DMGDH: variants seen among roughly 807,000 people sequenced by gnomAD.
DMGDH encodes the protein dimethylglycine dehydrogenase, mitochondrial.
DMGDH carries 76 observed loss-of-function variants against 95.2 expected under a neutral mutation model. The ratio of observed to expected loss-of-function variants is 0.80; its 90% CI spans 0.66 to 0.97. DMGDH has a LOEUF of 0.97. Ranked by LOEUF, DMGDH falls within the 50% of genes least tolerant of loss-of-function variation. DMGDH has a pLI of 0.00. For missense variants in DMGDH, 987 were observed against 1,055.0 expected (o/e 0.94, Z 0.89); for synonymous variants, 345 against 377.6 (o/e 0.91, Z 1.00).
chr5:79,030,328 G>T (rs1408421811), intron 10 of DMGDH, among the ~76,000 whole-genome samples: 3 of 152,174 alleles, frequency 2.0e-5, no homozygotes, highest in Admixed American at 6.5e-5. Flanking sequence ...CCTTGGATGA[G>T]AATTCACTCA....
intron 15 of DMGDH, among the ~76,000 whole-genome samples, chr5:79,005,019 G>A (rs1324710161): frequency 6.6e-6 from 1 of 152,180 alleles, no homozygotes; most frequent in African/African-American, 2.4e-5. Flanking sequence ...TCATTGTCCA[G>A]TGTGTTTCAA....
intron 7 of DMGDH, among the ~76,000 whole-genome samples, chr5:79,041,395 T>C (rs542384832): frequency 6.6e-6 from 1 of 152,314 alleles, no homozygotes; most frequent in African/African-American, 2.4e-5. Flanking sequence ...GATATGATAG[T>C]TGAGTGGGCT....
At chr5:79,041,483 A>T (rs1754504710) in intron 7 of DMGDH, among the ~76,000 whole-genome samples, 1 of 152,226 alleles carries the variant, frequency 6.6e-6, no homozygotes, top group Admixed American at 6.5e-5. Flanking sequence ...CATAAATAGA[A>T]AGCAACCTGA....
chr5:79,024,898 TG>T (rs1334883525), intron 13 of DMGDH, among the ~76,000 whole-genome samples: 1 of 152,264 alleles, frequency 6.6e-6, no homozygotes, highest in Non-Finnish European at 1.5e-5. Context: ...TAATGGTTTT[TG>T]TTTCTTTCTT....
At chr5:79,004,828 T>C (rs1393362666) in intron 15 of DMGDH, among the ~76,000 whole-genome samples, 1 of 152,232 alleles carries the variant, frequency 6.6e-6, no homozygotes, top group Non-Finnish European at 1.5e-5. Flanking sequence ...GGTTTTACCC[T>C]CTATTGTCAT....
chr5:79,058,867 T>C (rs953788687), intron 2 of DMGDH, among the ~76,000 whole-genome samples: 7 of 152,166 alleles, frequency 4.6e-5, no homozygotes, highest in African/African-American at 1.7e-4. Context: ...GCATAACGGA[T>C]GCTAACTAGT....
intron 14 of DMGDH, among the ~76,000 whole-genome samples, chr5:79,009,935 T>A (rs192599162): frequency 6.6e-6 from 1 of 152,204 alleles, no homozygotes; most frequent in African/African-American, 2.4e-5. Context: ...AGAACAGAAG[T>A]ATATTTCTTT....
chr5:79,048,167 C>G (rs187239716), intron 5 of DMGDH, among the ~76,000 whole-genome samples: 1 of 152,046 alleles, frequency 6.6e-6, no homozygotes, highest in Admixed American at 6.5e-5. Flanking sequence ...TTACTGCTTT[C>G]TACCTGGTGA....
rs911582826 is a variant in DMGDH, at chr5:79,039,494, C to G, written c.1193+2789G>C. Among the ~76,000 whole-genome samples, 3 of 151,950 alleles carry G rather than the reference C, an allele frequency of 2.0e-5. No individual in the cohort carries two copies. In the South Asian group the frequency reaches 6.3e-4, roughly 32 times the overall value. On this transcript the variant is annotated intron_variant, in intron 7 of 15. Transcript: ENST00000255189. ...ACACCACATATTCTCACTCGTAGGT[C>G]GGAATTGAACAATGAGAACACATGG... is the stretch of plus-strand genomic sequence containing the variant.
chr5:79,008,305 T>A (rs1753584831), intron 14 of DMGDH, among the ~76,000 whole-genome samples: 1 of 152,158 alleles, frequency 6.6e-6, no homozygotes, highest in African/African-American at 2.4e-5. Flanking sequence ...GTAGGTTTCA[T>A]AAAACTACTG....
intron 3 of DMGDH, among the ~76,000 whole-genome samples, chr5:79,055,457 G>A (rs1294619146): frequency 1.3e-5 from 2 of 152,200 alleles, no homozygotes; most frequent in Non-Finnish European, 2.9e-5. Flanking sequence ...TCAGAGTCAT[G>A]GGACAATCTG....
At chr5:79,050,913 C>T (rs1754834669) in intron 5 of DMGDH, among the ~76,000 whole-genome samples, 2 of 151,966 alleles carry the variant, frequency 1.3e-5, no homozygotes, top group Non-Finnish European at 2.9e-5. Context: ...ATCAAATCTG[C>T]CCTAAAAAGC....
At chr5:79,059,825 C>A (rs1755144358) in intron 2 of DMGDH, among the ~76,000 whole-genome samples, 1 of 152,200 alleles carries the variant, frequency 6.6e-6, no homozygotes, top group South Asian at 2.1e-4. Context: ...AAATCACTGG[C>A]AGCCATTTGC....
intron 2 of DMGDH, 139 bp downstream of exon 2, chr5:79,063,473 TA>T: frequency 1.1e-6 from 1 of 926,404 alleles, no homozygotes; most frequent in South Asian, 1.4e-5. Flanking sequence ...GTACACCAGT[TA>T]AACTACAACT....
intron 14 of DMGDH, among the ~76,000 whole-genome samples, chr5:79,015,797 T>C (rs1023216013): frequency 6.6e-6 from 1 of 152,162 alleles, no homozygotes; most frequent in Non-Finnish European, 1.5e-5. Context: ...TGACATATCA[T>C]CACCAAGTGG....
intron 4 of DMGDH, among the ~76,000 whole-genome samples, chr5:79,053,136 T>A (rs893850294): frequency 6.6e-6 from 1 of 151,484 alleles, no homozygotes; most frequent in South Asian, 2.1e-4. Flanking sequence ...AACATAGATA[T>A]AGATATAAAC....
At chr5:79,040,114 T>C (rs1754465823) in intron 7 of DMGDH, among the ~76,000 whole-genome samples, 2 of 152,222 alleles carry the variant, frequency 1.3e-5, no homozygotes, top group South Asian at 4.1e-4. Flanking sequence ...GTCAGAAGTA[T>C]GGGTGTCTCC....
chr5:79,068,747 A>G (rs139750650), intron 1 of DMGDH, among the ~76,000 whole-genome samples: 1 of 152,360 alleles, frequency 6.6e-6, no homozygotes, highest in Admixed American at 6.5e-5. Flanking sequence ...AAAGATGTTC[A>G]GCATTGCTCA....
At chr5:79,058,076 G>C (rs1322346319) in intron 2 of DMGDH, among the ~76,000 whole-genome samples, 1 of 152,150 alleles carries the variant, frequency 6.6e-6, no homozygotes, top group Non-Finnish European at 1.5e-5. Flanking sequence ...AATTATTTTA[G>C]AAATTCGTTG....
Sources: allele counts gnomAD v4.1 joint callset (sites outside exome capture counted in the v4.1 genomes callset), GRCh38; gene constraint gnomAD v4.1.1; transcripts MANE v1.5; gene names NCBI Gene and HGNC (gene_info 2026-07-23, HGNC 2026-07-21).